The following ATP10A variants were observed in gnomAD, a reference collection of about 807,000 sequenced individuals.
The protein encoded by ATP10A is ATPase phospholipid transporting 10A (putative), also known as phospholipid-transporting ATPase VA.
In ATP10A, 111 loss-of-function variants were observed where a neutral mutation model predicts 147.8. That is an observed-to-expected ratio of 0.75 (90% CI 0.64 to 0.88). The LOEUF (loss-of-function observed/expected upper bound fraction) is 0.88. ATP10A is among the 40% of genes least tolerant of loss of function. The pLI is 0.00. For synonymous variants in ATP10A, 875 were observed against 841.6 expected, an observed-to-expected ratio of 1.04 and a Z score of -0.69; for missense variants, 1,927 against 1,959.0, an observed-to-expected ratio of 0.98 and a Z score of 0.31.
At chr15:25,851,305 A>G (rs537929683) in intron 1 of ATP10A, among the ~76,000 whole-genome samples, 49 of 152,112 alleles carry the variant, frequency 3.2e-4, no homozygotes, top group African/African-American at 1.1e-3. Context: ...CTCTGTTCCA[A>G]GGCTCTCCAT....
intron 2 of ATP10A, among the ~76,000 whole-genome samples, chr15:25,748,269 C>T (rs1228209980): frequency 1.3e-5 from 2 of 152,116 alleles, no homozygotes; most frequent in Non-Finnish European, 2.9e-5. Flanking sequence ...CTTAATAAAA[C>T]ATTAGTTTAC....
chr15:25,757,145 T>G (rs1888457590), intron 2 of ATP10A, among the ~76,000 whole-genome samples: 2 of 152,218 alleles, frequency 1.3e-5, no homozygotes, highest in African/African-American at 4.8e-5. Context: ...CATTCATCAT[T>G]AACAATAAGT....
Position 25,771,483 on chromosome 15 carries a change from A to G in ATP10A, c.654+9536T>C, listed in dbSNP as rs529286782. On this transcript the variant is annotated intron_variant, in intron 2 of 20. Transcript: ENST00000555815. ...AAAACTAAAGTCTGTTGGATTCCAC[A>G]TTAATAATGTCCACTAGAGGCTTAT... Among the ~76,000 whole-genome samples, 13 of 152,296 alleles carry G rather than the reference A, an allele frequency of 8.5e-5. 1 individual carries two copies. Among genetic ancestry groups the G allele is most frequent in the Admixed American group, 7.2e-4 (11 of 15,296 alleles).
chr15:25,755,695 C>CT (rs2140602208), intron 2 of ATP10A, among the ~76,000 whole-genome samples: 1 of 152,286 alleles, frequency 6.6e-6, no homozygotes, highest in East Asian at 1.9e-4. Flanking sequence ...AGATGGGCCT[C>CT]TGAGGGAAGC....
Position 25,717,041 on chromosome 15 carries a change from C to T in ATP10A, c.1582-117G>A, listed in dbSNP as rs894066024. 95 of 636,160 alleles carry T rather than the reference C, an allele frequency of 1.5e-4. No individual in the cohort carries two copies. In the East Asian group the frequency reaches 3.1e-3, roughly 21 times the overall value. 39.4% of individuals were successfully genotyped at this position (636,160 alleles called of 1,614,324 possible). On this transcript the variant is annotated intron_variant, in intron 8 of 20. Transcript: ENST00000555815. ...AAGCTGTAAACAGAACTTCATCTCT[C>T]ATATACATATATGTCATTTTATAAT...
chr15:25,831,604 T>A (rs577584972), intron 1 of ATP10A, among the ~76,000 whole-genome samples: 17 of 152,098 alleles, frequency 1.1e-4, no homozygotes, highest in Non-Finnish European at 2.4e-4. Context: ...GTTTCCTGAG[T>A]TTCTATCTGT....
chr15:25,684,824 T>A (rs1899625143), intron 16 of ATP10A, among the ~76,000 whole-genome samples: 1 of 152,180 alleles, frequency 6.6e-6, no homozygotes, highest in African/African-American at 2.4e-5. Context: ...CTTCTTGACC[T>A]GAAAGTGACT....
intron 2 of ATP10A, among the ~76,000 whole-genome samples, chr15:25,779,106 A>C (rs1389395336): frequency 1.3e-5 from 2 of 151,960 alleles, no homozygotes; most frequent in African/African-American, 4.8e-5. Context: ...CGAATTACTG[A>C]CCTCAAGTGA....
At chr15:25,676,335 T>G (rs1037239521), downstream of ATP10A, among the ~76,000 whole-genome samples, 1 of 152,204 alleles carries the variant, frequency 6.6e-6, no homozygotes, top group South Asian at 2.1e-4. Context: ...CTCTGCACTT[T>G]GCACCTCTCC....
Position 25,794,803 on chromosome 15 carries a change from A to G in ATP10A, c.450-13580T>C, listed in dbSNP as rs563152962. ...AGTGAGAAGGGCCATGCAGATGGTC[A>G]TCTTCTCTGGAGGCCACACACGTGG... On this transcript the variant is annotated intron_variant, in intron 1 of 20. Coordinates refer to ENST00000555815, the MANE Select transcript of ATP10A (RefSeq NM_024490.4). Among the ~76,000 whole-genome samples the G allele has an allele frequency of 1.1e-4, 16 of 152,328 alleles. 1 individual carries two copies. In the South Asian group the frequency reaches 2.9e-3, roughly 28 times the overall value.
intron 1 of ATP10A, among the ~76,000 whole-genome samples, chr15:25,807,840 C>T (rs990816790): frequency 4.0e-5 from 6 of 150,302 alleles, no homozygotes; most frequent in African/African-American, 9.7e-5. Context: ...AAAAACCCAA[C>T]ATGTATTGGT....
At chr15:25,728,535 C>A (rs1596771812) in intron 3 of ATP10A, among the ~76,000 whole-genome samples, 2 of 152,186 alleles carry the variant, frequency 1.3e-5, no homozygotes, top group African/African-American at 4.8e-5. Flanking sequence ...TCCTTAGGTA[C>A]AAAACCCTGC....
At chr15:25,803,228 C>T (rs1230822604) in intron 1 of ATP10A, among the ~76,000 whole-genome samples, 1 of 152,240 alleles carries the variant, frequency 6.6e-6, no homozygotes, top group Non-Finnish European at 1.5e-5. Flanking sequence ...GTCTCGGGCA[C>T]TTCCGCCACA....
At chr15:25,753,400 T>A (rs1307457936) in intron 2 of ATP10A, among the ~76,000 whole-genome samples, 1 of 152,210 alleles carries the variant, frequency 6.6e-6, no homozygotes, top group African/African-American at 2.4e-5. Context: ...TCCATCCATG[T>A]TGTTGCAAAT....
Position 25,702,017 on chromosome 15 carries a change from C to A in ATP10A, c.2659G>T (p.Val887Phe), listed in dbSNP as rs1245367648. The change falls in exon 13 of 21, where the codon GTT becomes TTT. Residue 887 changes from valine (V) to phenylalanine (F), a missense_variant. Coordinates refer to ENST00000555815, the MANE Select transcript of ATP10A (RefSeq NM_024490.4). The stretch of plus-strand genomic sequence containing the variant: ...GTTTCTTGTTTGTCACCAGTGAGAA[C>A]CCAAATCTGCAGGCCCGCTTGACGC... ...KLRQAGLQIW[V>F]LTGDKQETAV... is the part of the protein sequence containing the mutation. The A allele has an allele frequency of 1.2e-6, 2 of 1,614,194 alleles. No homozygotes were observed. Among genetic ancestry groups the A allele is most frequent in the Non-Finnish European group, 1.7e-6 (2 of 1,180,032 alleles).
intron 15 of ATP10A, among the ~76,000 whole-genome samples, chr15:25,688,479 A>T (rs990970793): frequency 1.3e-5 from 2 of 152,238 alleles, no homozygotes; most frequent in Non-Finnish European, 2.9e-5. Flanking sequence ...CATATCATCA[A>T]GCAAGGTGCT....
At chr15:25,857,881 C>G (rs375555638) in intron 1 of ATP10A, among the ~76,000 whole-genome samples, 3 of 152,066 alleles carry the variant, frequency 2.0e-5, no homozygotes, top group East Asian at 1.9e-4. Flanking sequence ...CCTCAGTTTC[C>G]TCATCTGTGG....
chr15:25,787,085 G>A (rs914486094), intron 1 of ATP10A, among the ~76,000 whole-genome samples: 1 of 152,008 alleles, frequency 6.6e-6, no homozygotes, highest in Non-Finnish European at 1.5e-5. Flanking sequence ...TTACAGACAT[G>A]GAAACCAAAC....
chr15:25,754,054 C>T (rs1184421854), intron 2 of ATP10A, among the ~76,000 whole-genome samples: 8 of 152,198 alleles, frequency 5.3e-5, no homozygotes. Context: ...CCTGCATCGG[C>T]CTCCCAAAGT....
Sources: gnomAD v4.1 joint callset for allele counts (sites outside exome capture counted in the v4.1 genomes callset) on GRCh38, gnomAD v4.1.1 for gene constraint, MANE v1.5 for transcripts, NCBI Gene and HGNC (gene_info 2026-07-23, HGNC 2026-07-21) for gene names.